Variants in THBS3 observed in about 807,000 individuals in gnomAD.
The protein encoded by THBS3 is thrombospondin-3.
A neutral mutation model predicts 118.3 loss-of-function variants in THBS3; 78 were observed. The ratio of observed to expected loss-of-function variants is 0.66; its 90% CI spans 0.55 to 0.80. The LOEUF (loss-of-function observed/expected upper bound fraction) is 0.80. Among genes scored for constraint, THBS3 ranks in the 30% least tolerant of loss-of-function variants. THBS3 has a pLI of 0.00. For missense variants in THBS3, 1,057 were observed against 1,247.4 expected, an observed-to-expected ratio of 0.85 and a Z score of 2.30; for synonymous variants, 427 against 475.3, an observed-to-expected ratio of 0.90 and a Z score of 1.32.
chr1:155,206,421 G>A lies in THBS3; in HGVS notation c.80-15C>T. 3 of 1,612,488 alleles carry A rather than the reference G, an allele frequency of 1.9e-6. No homozygotes were observed. Among genetic ancestry groups the A allele is most frequent in the Non-Finnish European group, 2.5e-6 (3 of 1,179,052 alleles). On this transcript the variant is annotated splice_polypyrimidine_tract_variant and intron_variant, in intron 1 of 22. Transcript: ENST00000368378. This position sits in a 1 kb window ranked among gnomAD's most constrained non-coding sequence, Gnocchi z 4.2. ...CAGGTCAATTACTGGTCAGGCAGGGGTTATCAAGGTTAGAGAATGGGATCA... is the reference window on the plus strand; with the variant it reads ...CAGGTCAATTACTGGTCAGGCAGGGATTATCAAGGTTAGAGAATGGGATCA...
rs772330585 is a variant in THBS3, at chr1:155,205,102, C to T, written c.501G>A (p.Gly167=). ...CCTTCTGTCCAGTCCTAATCTCCAG[C>T]CCATCGACCTCCGCTGGAGGAATGG... The part of the protein sequence containing the change: ...LAPIPPAEVD[G]LEIRTGQKAY... Residue 167 remains glycine, a synonymous_variant, in exon 3 of 23, where the codon GGG becomes GGA. Coordinates refer to ENST00000368378, the MANE Select transcript of THBS3 (RefSeq NM_007112.5). 6.2e-7 allele frequency: 1 copy of T among 1,614,076 alleles called. No homozygotes were observed. Among genetic ancestry groups the T allele is most frequent in the South Asian group, 1.1e-5 (1 of 91,070 alleles).
chr1:155,200,875 G>A, intron 13 of THBS3, 22 bp downstream of exon 13: 1 of 1,614,058 alleles, frequency 6.2e-7, no homozygotes, highest in Non-Finnish European at 8.5e-7. Context: ...AGCTTCAAGG[G>A]GCAGGGCAGT....
At chr1:155,203,359 C>G in intron 5 of THBS3, 54 bp from the exon 6 acceptor site, 1 of 1,603,332 alleles carries the variant, frequency 6.2e-7, no homozygotes, top group East Asian at 2.2e-5. Flanking sequence ...GTCCTGGGCC[C>G]TCCATGGGCA....
rs553911688 is a variant in THBS3 at position 155,203,244 on chromosome 1, C to T, written c.735G>A (p.Leu245=). 1.2e-6 allele frequency: 2 copies of T among 1,614,196 alleles called. No homozygotes were observed. The highest frequency in any genetic ancestry group is 1.1e-5 in the South Asian group (1 of 91,086). The stretch of plus-strand genomic sequence containing the variant: ...AAACCTGGTCTCGTATATCATCCCG[C>T]AGCTCCACCAGGATCTGGTTGAAGA... ...LTLFNQILVE[L]RDDIRDQVKE... is the part of the protein sequence containing the mutation. The change falls in exon 6 of 23, where the codon CTG becomes CTA. Residue 245 remains leucine (L), a synonymous_variant. Transcript: ENST00000368378.
chr1:155,205,364 C>T, intron 2 of THBS3, 48 bp from the exon 3 acceptor site: 6 of 1,590,954 alleles, frequency 3.8e-6, no homozygotes, highest in Non-Finnish European at 5.2e-6. Flanking sequence ...CACCCCCTGC[C>T]TCCCAGCTGA....
intron 17 of THBS3, 94 bp downstream of exon 17, chr1:155,198,315 C>G (rs1669043286): frequency 1.3e-6 from 2 of 1,586,028 alleles, no homozygotes; most frequent in Admixed American, 3.4e-5. Context: ...ACATCTTTCC[C>G]CACCTTGCCC....
Position 155,201,978 on chromosome 1 carries a change from G to C in THBS3, c.1155C>G (p.Asn385Lys). 1 of 1,614,088 alleles carries C rather than the reference G, an allele frequency of 6.2e-7. No individual in the cohort carries two copies. Among genetic ancestry groups the C allele is most frequent in the Non-Finnish European group, 8.5e-7 (1 of 1,180,030 alleles). Residue 385 changes from asparagine to lysine, a missense_variant, in exon 10 of 23, where the codon AAC (asparagine) becomes AAG (lysine). Around this residue, in one of 3 missense-constraint regions of THBS3, gnomAD observed 544 missense variants for 715.6 expected, o/e 0.76. Coordinates refer to ENST00000368378, the MANE Select transcript of THBS3 (RefSeq NM_007112.5). Reference sequence around the variant, plus strand: ...TCACCACAGTGTTGGTGCAGATGGAGTTTGGGTCACAGCCACCATTGTTGC... The same window carrying C: ...TCACCACAGTGTTGGTGCAGATGGACTTTGGGTCACAGCCACCATTGTTGC... Reference protein sequence around the residue: ...NDGNNGGCDPNSICTNTVGSF... With the variant: ...NDGNNGGCDPKSICTNTVGSF...
In THBS3 at chr1:155,197,327, G is replaced by C; in HGVS notation, c.2500-114C>G. 1 of 1,530,764 alleles carries C rather than the reference G, an allele frequency of 6.5e-7. No individual in the cohort carries two copies. Among genetic ancestry groups the C allele is most frequent in the Non-Finnish European group, 8.9e-7 (1 of 1,126,608 alleles). 94.8% of individuals were successfully genotyped at this position (1,530,764 alleles called of 1,614,324 possible). A position where few individuals can be genotyped will look rare whatever the true frequency, so the allele number is the denominator to read the frequency against. On this transcript the variant is annotated intron_variant, in intron 20 of 22. Coordinates refer to ENST00000368378, the MANE Select transcript of THBS3 (RefSeq NM_007112.5). This position sits in a 1 kb window ranked among gnomAD's most constrained non-coding sequence, Gnocchi z 5.0. Reference sequence around the variant, plus strand: ...TCAAGGCGGTCATGAAAATGCCCTGGGGCCCCAGAGAGCCGGCCTCCAAGC... The same window carrying C: ...TCAAGGCGGTCATGAAAATGCCCTGCGGCCCCAGAGAGCCGGCCTCCAAGC...
At chr1:155,203,001 T>C (rs758508829) in intron 7 of THBS3, 41 bp from the exon 8 acceptor site, 3 of 1,613,354 alleles carry the variant, frequency 1.9e-6, no homozygotes, top group South Asian at 2.2e-5. Context: ...GTGGTCACTA[T>C]TTAAGCCACC....
chr1:155,195,785 G>C lies in THBS3; in HGVS notation c.*56C>G. On this transcript the variant is annotated 3_prime_UTR_variant, in exon 23 of 23. Transcript: ENST00000368378. Reference sequence around the variant, plus strand: ...GCTTAGACCTCAGGGTCTCCAGGATGGACCCCAAGGCCAAAGGGTCTAAAA... The same window carrying C: ...GCTTAGACCTCAGGGTCTCCAGGATCGACCCCAAGGCCAAAGGGTCTAAAA... The C allele has an allele frequency of 1.3e-6, 2 of 1,583,556 alleles. No homozygotes were observed. Among genetic ancestry groups the C allele is most frequent in the Admixed American group, 3.3e-5 (2 of 59,876 alleles).
rs1668836510 is a variant in THBS3 at position 155,197,300 on chromosome 1, A to AT, written c.2500-88dup. 6.4e-7 allele frequency: 1 copy of AT among 1,556,708 alleles called. No homozygotes were observed. The highest frequency in any genetic ancestry group is 1.7e-5 in the Admixed American group (1 of 57,886). On this transcript the variant is annotated intron_variant, in intron 20 of 22. Transcript: ENST00000368378. The surrounding 1 kb of genome is among the most constrained non-coding windows in gnomAD (Gnocchi z 5.0). ...GTCGGTAAGTGCAGGTGGGAAAGGG[A>AT]TTCAAGGCGGTCATGAAAATGCCCT... is the stretch of plus-strand genomic sequence containing the variant.
chr1:155,197,188 C>T lies in THBS3; in HGVS notation c.2525G>A (p.Gly842Asp). The change falls in exon 21 of 23, where the codon GGT (glycine) becomes GAT (aspartate). Residue 842 changes from glycine (G) to aspartate (D), a missense_variant. Around this residue, in one of 3 missense-constraint regions of THBS3, gnomAD observed 307 missense variants for 326.1 expected, o/e 0.94. Transcript: ENST00000368378. This position sits in a 1 kb window ranked among gnomAD's most constrained non-coding sequence, Gnocchi z 5.0. Reference sequence around the variant, plus strand: ...CCACAGGGCATTTCGGAGGTGCTCACCTGGGCCAGACACTGATGTCACTGC... The same window carrying T: ...CCACAGGGCATTTCGGAGGTGCTCATCTGGGCCAGACACTGATGTCACTGC... The part of the protein sequence containing the change: ...LKAVTSVSGP[G>D]EHLRNALWHT... The T allele has an allele frequency of 1.2e-6, 2 of 1,614,108 alleles. No individual in the cohort carries two copies. The highest frequency in any genetic ancestry group is 1.7e-6 in the Non-Finnish European group (2 of 1,179,978).
intron 1 of THBS3, among the ~76,000 whole-genome samples, chr1:155,207,257 C>A (rs1670689634): frequency 6.6e-6 from 1 of 152,208 alleles, no homozygotes; most frequent in South Asian, 2.1e-4. Flanking sequence ...GACCCAGCTC[C>A]TCTGCCTCCT....
upstream of THBS3, chr1:155,208,883 C>A: frequency 6.2e-7 from 1 of 1,611,702 alleles, no homozygotes; most frequent in Non-Finnish European, 8.5e-7. Flanking sequence ...AGGCCACGTG[C>A]AGTTTGGCAA....
chr1:155,201,587 G>A lies in THBS3; in HGVS notation c.1177-18C>T, dbSNP rs752251821. ...AAAGAGCCCTAAGAGTGGAGAGGCA[G>A]CATCTTAGGAAGGAGGGTGAGCCCA... On this transcript the variant is annotated intron_variant, in intron 10 of 22. Coordinates refer to ENST00000368378, the MANE Select transcript of THBS3 (RefSeq NM_007112.5). 15 of 1,610,330 alleles carry A rather than the reference G, an allele frequency of 9.3e-6. No individual in the cohort carries two copies. The African/African-American group carries it at 1.9e-4, about 20-fold the overall frequency.
At chr1:155,207,153 C>G (rs1466530765) in intron 1 of THBS3, among the ~76,000 whole-genome samples, 3 of 152,174 alleles carry the variant, frequency 2.0e-5, no homozygotes, top group African/African-American at 7.2e-5. Context: ...TCCTCCCATC[C>G]TAGGGGCGCA....
intron 10 of THBS3, 35 bp from the exon 11 acceptor site, chr1:155,201,604 G>A (rs1669740545): frequency 1.2e-6 from 2 of 1,602,132 alleles, no homozygotes; most frequent in African/African-American, 1.3e-5. Context: ...AGGAAGGAGG[G>A]TGAGCCCACC....
rs142940981 is a variant in THBS3, at chr1:155,200,044, C to T, written c.1778G>A (p.Gly593Glu). Reference sequence around the variant, plus strand: ...GCAGCTGTCGCAAGCATCTCCCACCCCGTCCTCATCCCTGTCTGTCTGTAG... The same window carrying T: ...GCAGCTGTCGCAAGCATCTCCCACCTCGTCCTCATCCCTGTCTGTCTGTAG... ...NPLQTDRDED[G>E]VGDACDSCPE... Residue 593 changes from glycine (G) to glutamate (E), a missense_variant, in exon 15 of 23, where the codon GGG becomes GAG. By Grantham distance (98) the Gly-to-Glu change is moderately conservative. Transcript: ENST00000368378. The T allele has an allele frequency of 1.1e-5, 18 of 1,603,326 alleles. No individual in the cohort carries two copies. The highest frequency in any genetic ancestry group is 1.7e-4 in the Middle Eastern group (1 of 6,026).
upstream of THBS3, chr1:155,208,823 C>T (rs377309496): frequency 1.9e-6 from 3 of 1,574,016 alleles, no homozygotes; most frequent in African/African-American, 1.4e-5. Flanking sequence ...CGGGGGACCC[C>T]CCCGCAGTCC....
Sources: allele counts gnomAD v4.1 joint callset (sites outside exome capture counted in the v4.1 genomes callset), GRCh38; gene constraint gnomAD v4.1.1; regional missense constraint gnomAD v4.1.1; non-coding constraint Gnocchi (gnomAD v3.1); transcripts MANE v1.5; gene names NCBI Gene and HGNC (gene_info 2026-07-23, HGNC 2026-07-21).